Variants in PSG1 observed in about 807,000 individuals in gnomAD.
PSG1 encodes the protein pregnancy specific beta-1-glycoprotein 1, also known as pregnancy-specific beta-1-glycoprotein 1.
In PSG1, 60 loss-of-function variants were observed where a neutral mutation model predicts 41.4. The ratio of observed to expected loss-of-function variants is 1.45; its 90% CI spans 1.18 to 1.80. PSG1 has a LOEUF of 1.80. Ranked by LOEUF, PSG1 falls within the 40% of genes most tolerant of loss-of-function variation. The probability of loss-of-function intolerance (pLI) is 0.00; values close to 1 mark genes in which losing one functional copy is unlikely to be tolerated. For missense variants in PSG1, 806 were observed against 516.9 expected (o/e 1.56, Z -5.42); for synonymous variants, 256 against 192.9 (o/e 1.33, Z -2.71).
intron 1 of PSG1, chr19:42,878,529 C>T (rs1202347904): frequency 2.9e-5 from 18 of 611,344 alleles, no homozygotes; most frequent in Non-Finnish European, 4.0e-5. Context: ...ACACTTCTGA[C>T]GTTGGCATTT....
intron 2 of PSG1, among the ~76,000 whole-genome samples, chr19:42,873,358 C>G (rs973514203): frequency 4.6e-5 from 7 of 151,632 alleles, no homozygotes; most frequent in Non-Finnish European, 1.0e-4. Flanking sequence ...CATCAGTGGT[C>G]AGAAGTGTTG....
rs989491054 is a variant in PSG1 at position 42,868,630 on chromosome 19, G to T, written c.988+126C>A. 4.5e-6 allele frequency: 7 copies of T among 1,540,840 alleles called. No individual in the cohort carries two copies. The African/African-American group carries it at 9.6e-5, about 21-fold the overall frequency. On this transcript the variant is annotated intron_variant, in intron 4 of 5. Coordinates refer to ENST00000436291, the MANE Select transcript of PSG1 (RefSeq NM_001184825.2). ...AGGATTTCCCAGGGCAGGGAGTCAT[G>T]GCCAGCTCCGATGTCCAGAAGTAAA...
intron 5 of PSG1, 118 bp from the exon 6 acceptor site, chr19:42,867,268 C>G (rs988756608): frequency 2.1e-5 from 15 of 711,934 alleles, no homozygotes; most frequent in Non-Finnish European, 3.6e-5. Context: ...CTACTTTTAC[C>G]AATGATAATT....
At chr19:42,875,957 G>A (rs1217431270) in intron 2 of PSG1, among the ~76,000 whole-genome samples, 4 of 150,952 alleles carry the variant, frequency 2.6e-5, no homozygotes, top group Non-Finnish European at 5.9e-5. Context: ...GCCCTGGATG[G>A]GAATACAGTG....
In PSG1 at chr19:42,872,081, GC is replaced by G. The variant is rs1248900383; in HGVS notation, c.431-37del. The G allele has an allele frequency of 1.3e-6, 2 of 1,589,810 alleles. 1 individual carries two copies. The highest frequency in any genetic ancestry group is 1.7e-6 in the Non-Finnish European group (2 of 1,167,900). ...AACAGGGTGAAGATTGCCGTGTGTG[GC>G]GCCTTTGATTCCTCCAAAGGCATTT... is the stretch of plus-strand genomic sequence containing the variant. On this transcript the variant is annotated intron_variant, in intron 2 of 5. Transcript: ENST00000436291.
chr19:42,867,039 TTG>T lies in PSG1; in HGVS notation c.*93_*94del, dbSNP rs548647982. 1.4e-5 allele frequency: 11 copies of T among 769,162 alleles called. No individual in the cohort carries two copies. The highest frequency in any genetic ancestry group is 2.6e-5 in the Non-Finnish European group (11 of 417,504). 47.6% of individuals were successfully genotyped at this position (769,162 alleles called of 1,614,324 possible). A position where few individuals can be genotyped will look rare whatever the true frequency, so the allele number is the denominator to read the frequency against. On this transcript the variant is annotated 3_prime_UTR_variant, in exon 6 of 6. Coordinates refer to ENST00000436291, the MANE Select transcript of PSG1 (RefSeq NM_001184825.2). ...GTTTTCCCATGAAATTTACATTGAG[TTG>T]TCCACCTCCAGCTTATAGGGCTTCT...
At chr19:42,867,749 TAG>T in intron 5 of PSG1, 2 of 886,378 alleles carry the variant, frequency 2.3e-6, no homozygotes, top group East Asian at 4.8e-5. Context: ...CTATAAGCTG[TAG>T]ATAGATTAAA....
chr19:42,876,447 G>A (rs1449009873), intron 2 of PSG1, among the ~76,000 whole-genome samples: 2 of 151,484 alleles, frequency 1.3e-5, no homozygotes, highest in Non-Finnish European at 2.9e-5. Flanking sequence ...ACAAGGGACA[G>A]GTGTGGCTAG....
intron 2 of PSG1, among the ~76,000 whole-genome samples, chr19:42,877,673 C>A (rs1429754063): frequency 6.6e-6 from 1 of 151,646 alleles, no homozygotes. Context: ...CCTGCTGAGT[C>A]CCCCCATCAG....
At chr19:42,868,447 A>G (rs1418233895) in intron 4 of PSG1, 92 bp from the exon 5 acceptor site, 5 of 1,484,358 alleles carry the variant, frequency 3.4e-6, no homozygotes, top group African/African-American at 2.8e-5. Context: ...CCTCTGAGCC[A>G]AGACACACCC....
rs768163023 is a variant in PSG1 at position 42,871,750 on chromosome 19, G to A, written c.709+17C>T. The A allele has an allele frequency of 6.2e-7, 1 of 1,612,548 alleles. No homozygotes were observed. Among genetic ancestry groups the A allele is most frequent in the African/African-American group, 1.3e-5 (1 of 74,704 alleles). The stretch of plus-strand genomic sequence containing the variant: ...TGGGATGGCAGCCTGGCTCACAGAG[G>A]AACAGAAGATACTCACGGAGGAGAT... On this transcript the variant is annotated intron_variant, in intron 3 of 5. Transcript: ENST00000436291.
Position 42,868,187 on chromosome 19 carries a change from G to A in PSG1, c.1157C>T (p.Thr386Ile). Residue 386 changes from threonine to isoleucine, a missense_variant, in exon 5 of 6, where the codon ACA (threonine) becomes ATA (isoleucine). Physicochemically the swap from Thr to Ile is moderately conservative, Grantham distance 89. Coordinates refer to ENST00000436291, the MANE Select transcript of PSG1 (RefSeq NM_001184825.2). ...GQKLFIRHIT[T>I]KHSGLYVCSV... ...GCAAACATAGAGCCCGCTATGCTTT[G>A]TAGTAATATGGCGGATAAAGAGCTT... The A allele has an allele frequency of 6.2e-7, 1 of 1,612,404 alleles. No individual in the cohort carries two copies. The highest frequency in any genetic ancestry group is 8.5e-7 in the Non-Finnish European group (1 of 1,179,104).
intron 3 of PSG1, 77 bp from the exon 4 acceptor site, chr19:42,869,111 G>A (rs72623873): frequency 0.14 from 215,226 of 1,579,436 alleles, 22,058 homozygotes; most frequent in East Asian, 0.49. Flanking sequence ...ATCAGAGTTG[G>A]CATCTCCCAC....
At chr19:42,875,371 T>G (rs992633092) in intron 2 of PSG1, among the ~76,000 whole-genome samples, 2 of 151,754 alleles carry the variant, frequency 1.3e-5, no homozygotes, top group African/African-American at 4.8e-5. Context: ...GTAGGCACAG[T>G]TTCTATAATC....
Position 42,867,166 on chromosome 19 carries a change from A to G in PSG1, c.1244-16T>C, listed in dbSNP as rs1261204106. 1.3e-6 allele frequency: 1 copy of G among 766,890 alleles called. No individual in the cohort carries two copies. The highest frequency in any genetic ancestry group is 2.4e-5 in the East Asian group (1 of 41,166). 47.5% of individuals were successfully genotyped at this position (766,890 alleles called of 1,614,324 possible). Reference sequence around the variant, plus strand: ...ACTGTCCAGTCTACAGGTGGATAATAAAAACACAGAAACAATGAACAGAGC... The same window carrying G: ...ACTGTCCAGTCTACAGGTGGATAATGAAAACACAGAAACAATGAACAGAGC... On this transcript the variant is annotated splice_polypyrimidine_tract_variant and intron_variant, in intron 5 of 5. Transcript: ENST00000436291.
In PSG1 at chr19:42,868,865, C is replaced by A. The variant is rs1435681358; in HGVS notation, c.879G>T (p.Arg293Ser). 2.3e-5 allele frequency: 37 copies of A among 1,610,818 alleles called. No individual in the cohort carries two copies. The highest frequency in any genetic ancestry group is 3.0e-5 in the Non-Finnish European group (35 of 1,179,076). Residue 293 changes from arginine to serine, a missense_variant, in exon 4 of 6, where the codon AGG (arginine) becomes AGT (serine). Coordinates refer to ENST00000436291, the MANE Select transcript of PSG1 (RefSeq NM_001184825.2). ...SPRVKRPIEN[R>S]ILILPSVTRN... ...TCGTGACACTGGGTAGAATGAGGAT[C>A]CTGTTTTCAATGGGTCGCTTTACCC...
chr19:42,875,183 T>C (rs1971552124), intron 2 of PSG1, among the ~76,000 whole-genome samples: 1 of 151,828 alleles, frequency 6.6e-6, no homozygotes, highest in Non-Finnish European at 1.5e-5. Flanking sequence ...CACTCATTCC[T>C]GGGCATAGGC....
At chr19:42,877,852 G>C in intron 2 of PSG1, 61 bp downstream of exon 2, 1 of 1,610,338 alleles carries the variant, frequency 6.2e-7, no homozygotes, top group Non-Finnish European at 8.5e-7. Context: ...ACAATCCTGT[G>C]TGTGTGAAGT....
chr19:42,879,178 A>C lies in PSG1; in HGVS notation c.64+340T>G, dbSNP rs1349465169. Among the ~76,000 whole-genome samples, 2 of 136,232 alleles carry C rather than the reference A, an allele frequency of 1.5e-5. 1 individual carries two copies. Among genetic ancestry groups the C allele is most frequent in the Non-Finnish European group, 3.1e-5 (2 of 65,128 alleles). 89.4% of individuals were successfully genotyped at this position (136,232 alleles called of 152,430 possible). On this transcript the variant is annotated intron_variant, in intron 1 of 5. Transcript: ENST00000436291. ...TTTTCTTTTTTTTTTTTTGAGATGG[A>C]GTCTTGTACTGTCGCCCAGGCTGGC...
Sources: allele counts gnomAD v4.1 joint callset (sites outside exome capture counted in the v4.1 genomes callset), GRCh38; gene constraint gnomAD v4.1.1; transcripts MANE v1.5; gene names NCBI Gene and HGNC (gene_info 2026-07-23, HGNC 2026-07-21).